Variants in GUCY2D observed in about 807,000 individuals in gnomAD.
GUCY2D encodes the protein guanylate cyclase 2D, retinal, also known as retinal guanylyl cyclase 1.
A neutral mutation model predicts 101.3 loss-of-function variants in GUCY2D; 70 were observed. The observed-to-expected ratio is 0.69, with a 90% CI of 0.57 to 0.84. The LOEUF is 0.84. Among genes scored for constraint, GUCY2D ranks in the 40% least tolerant of loss-of-function variants. The pLI is 0.00. For missense variants in GUCY2D, 1,460 were observed against 1,542.5 expected (o/e 0.95, Z 0.90); for synonymous variants, 688 against 670.7 (o/e 1.03, Z -0.40).
At position 8,003,585 on chromosome 17, in the gene GUCY2D, G is replaced by T. The variant is rs1335897916; in HGVS notation, c.538G>T (p.Gly180Cys). 10 of 1,584,866 alleles carry T rather than the reference G, an allele frequency of 6.3e-6. No individual in the cohort carries two copies. The highest frequency in any genetic ancestry group is 2.3e-5 in the East Asian group (1 of 44,260). ...CCTCTACGCCCTGCTTCGCGCATTC[G>T]GCTGGGCGCGCGTGGCCCTGGTCAC... Reference protein sequence around the residue: ...DALYALLRAFGWARVALVTAP... With the variant: ...DALYALLRAFCWARVALVTAP... The change falls in exon 2 of 20, where the codon GGC (glycine) becomes TGC (cysteine). Residue 180 changes from glycine (G) to cysteine (C), a missense_variant. This residue lies in a region of GUCY2D where 1,196 missense variants were observed against 1,229.6 expected (regional missense o/e 0.97). Transcript: ENST00000254854.
chr17:8,014,426 T>C lies in GUCY2D; in HGVS notation c.2413-175T>C, dbSNP rs1975920196. The stretch of plus-strand genomic sequence containing the variant: ...TCATTTCCCACGTGCCTCCTAATCG[T>C]GTCTGAAAACACAGTGCCCAGCACC... On this transcript the variant is annotated intron_variant, in intron 12 of 19. Transcript: ENST00000254854. The surrounding 1 kb of genome is among the most constrained non-coding windows in gnomAD (Gnocchi z 4.0). 1 of 693,212 alleles carries C rather than the reference T, an allele frequency of 1.4e-6. No individual in the cohort carries two copies. Among genetic ancestry groups the C allele is most frequent in the Non-Finnish European group, 2.6e-6 (1 of 383,060 alleles). The allele number at this position is 693,212 out of a possible 1,614,324, so 42.9% of individuals were successfully genotyped here.
intron 8 of GUCY2D, among the ~76,000 whole-genome samples, chr17:8,010,109 T>C (rs1975821192): frequency 6.6e-6 from 1 of 152,168 alleles, no homozygotes; most frequent in Admixed American, 6.5e-5. Context: ...TCTGCCTGCT[T>C]GTTTCTGCCT....
chr17:8,013,935 G>A lies in GUCY2D; in HGVS notation c.2319G>A (p.Met773Ile). The A allele has an allele frequency of 1.2e-6, 2 of 1,613,438 alleles. No individual in the cohort carries two copies. Among genetic ancestry groups the A allele is most frequent in the Non-Finnish European group, 1.7e-6 (2 of 1,179,408 alleles). Residue 773 changes from methionine (M) to isoleucine (I), a missense_variant, in exon 12 of 20, where the codon ATG becomes ATA. Physicochemically the swap from Met to Ile is conservative, Grantham distance 10 (BLOSUM62 1). Coordinates refer to ENST00000254854, the MANE Select transcript of GUCY2D (RefSeq NM_000180.4). The surrounding 1 kb of genome is among the most constrained non-coding windows in gnomAD (Gnocchi z 5.0). ...CACTGTGTCGGCCCTTGGTGTCCAT[G>A]GACCAGGCACCTGTCGAGTGTATCC... ...PPPLCRPLVS[M>I]DQAPVECILL...
chr17:8,013,782 C>A lies in GUCY2D; in HGVS notation c.2264-98C>A, dbSNP rs1975903700. ...GATGTAAAGAAACCCCTGCCAGGCACCCCCTCCCACATCTTGGTCTTCAAC... is the reference window on the plus strand; with the variant it reads ...GATGTAAAGAAACCCCTGCCAGGCAACCCCTCCCACATCTTGGTCTTCAAC... On this transcript the variant is annotated intron_variant, in intron 11 of 19. Transcript: ENST00000254854. The surrounding 1 kb of genome is among the most constrained non-coding windows in gnomAD (Gnocchi z 5.0). 2.1e-6 allele frequency: 2 copies of A among 958,758 alleles called. No individual in the cohort carries two copies. The highest frequency in any genetic ancestry group is 2.7e-5 in the South Asian group (2 of 73,272). 59.4% of individuals were successfully genotyped at this position (958,758 alleles called of 1,614,324 possible).
chr17:8,007,945 T>A lies in GUCY2D; in HGVS notation c.1581T>A (p.Ser527Arg). 6.2e-7 allele frequency: 1 copy of A among 1,611,668 alleles called. No homozygotes were observed. The highest frequency in any genetic ancestry group is 8.5e-7 in the Non-Finnish European group (1 of 1,178,198). ...GGTSRKVAQG[S>R]RSSLGARSMS... ...CTACCTGCTAGGTGGCCCAGGGGAG[T>A]CGATCAAGTCTGGGTGCCCGCAGCA... The change falls in exon 7 of 20, where the codon AGT becomes AGA. Residue 527 changes from serine to arginine, a missense_variant. Transcript: ENST00000254854.
rs1008098066 is a variant in GUCY2D, at chr17:8,011,987, A to G, written c.1750-157A>G. On this transcript the variant is annotated intron_variant, in intron 8 of 19. Transcript: ENST00000254854. This position sits in a 1 kb window ranked among gnomAD's most constrained non-coding sequence, Gnocchi z 4.3. Reference sequence around the variant, plus strand: ...TTTTTCCAAAAATAGGACTATGTGTAGAAGAGAGCCCCCGTACATACCTTA... The same window carrying G: ...TTTTTCCAAAAATAGGACTATGTGTGGAAGAGAGCCCCCGTACATACCTTA... 2.0e-5 allele frequency among the ~76,000 whole-genome samples: 3 copies of G among 152,224 alleles called. No individual in the cohort carries two copies. Among genetic ancestry groups the G allele is most frequent in the Non-Finnish European group, 2.9e-5 (2 of 68,032 alleles).
chr17:8,004,187 AAGGGAGAGGGGAGAGGACAGCCAAAGC>A, intron 3 of GUCY2D, 31 bp downstream of exon 3: 2 of 1,561,674 alleles, frequency 1.3e-6, no homozygotes, highest in Non-Finnish European at 1.7e-6. Flanking sequence ...GGAAGAAGGC[AAGGGAGAGGGGAGAGGACAGCCAAAGC>A]AGGGAGAGGA....
In GUCY2D at chr17:8,003,395, C is replaced by T. The variant is rs1598144036; in HGVS notation, c.348C>T (p.Ser116=). ...RTPGSLGAVS[S]ALARVSGLVG... Reference sequence around the variant, plus strand: ...CGGGCTCGCTGGGGGCCGTGTCCTCCGCGCTGGCCCGCGTGTCGGGCCTCG... The same window carrying T: ...CGGGCTCGCTGGGGGCCGTGTCCTCTGCGCTGGCCCGCGTGTCGGGCCTCG... The change falls in exon 2 of 20, where the codon TCC becomes TCT. Residue 116 remains serine, a synonymous_variant. Coordinates refer to ENST00000254854, the MANE Select transcript of GUCY2D (RefSeq NM_000180.4). 1 of 1,483,312 alleles carries T rather than the reference C, an allele frequency of 6.7e-7. No homozygotes were observed. Among genetic ancestry groups the T allele is most frequent in the South Asian group, 1.3e-5 (1 of 78,980 alleles). 91.9% of individuals were successfully genotyped at this position (1,483,312 alleles called of 1,614,324 possible).
Position 8,003,522 on chromosome 17 carries a change from G to A in GUCY2D, c.475G>A (p.Gly159Ser), listed in dbSNP as rs1975674812. The A allele has an allele frequency of 2.6e-6, 4 of 1,538,900 alleles. No homozygotes were observed. The highest frequency in any genetic ancestry group is 4.2e-4 in the Middle Eastern group (2 of 4,802). Residue 159 changes from glycine (G) to serine (S), a missense_variant, in exon 2 of 20, where the codon GGC (glycine) becomes AGC (serine). Gly to Ser is a moderately conservative substitution (Grantham distance 56, BLOSUM62 0). Coordinates refer to ENST00000254854, the MANE Select transcript of GUCY2D (RefSeq NM_000180.4). ...GGGCTGCCCCTGGACGCAGGCGGAG[G>A]GCACCACGGCCCCTGCCGTGACCCC... Reference protein sequence around the residue: ...PWGCPWTQAEGTTAPAVTPAA... With the variant: ...PWGCPWTQAESTTAPAVTPAA...
At chr17:8,015,250 C>A in intron 14 of GUCY2D, 78 bp from the exon 15 acceptor site, 2 of 1,394,150 alleles carry the variant, frequency 1.4e-6, no homozygotes, top group Non-Finnish European at 1.0e-6. Context: ...CAGGTGGGCC[C>A]GGTGACAAGA....
chr17:8,015,494 TG>T lies in GUCY2D; in HGVS notation c.2937del (p.His980ThrfsTer41). The T allele has an allele frequency of 1.2e-6, 2 of 1,611,414 alleles. No individual in the cohort carries two copies. The highest frequency in any genetic ancestry group is 1.7e-6 in the Non-Finnish European group (2 of 1,179,348). On this transcript the variant is annotated frameshift_variant, in exon 15 of 20. Coordinates refer to ENST00000254854, the MANE Select transcript of GUCY2D (RefSeq NM_000180.4). LOFTEE classifies it high-confidence loss of function. ...PEVPVRIRIG[L>X]HSGPCVAGVV... ...GTTCCCGTGCGCATCCGCATAGGCC[TG>T]CACTCGGGTAACTCCCGGGTCTTCC...
At position 8,014,574 on chromosome 17, in the gene GUCY2D, G is replaced by T; in HGVS notation, c.2413-27G>T. ...GGCATGGCAACCCAGGTCTTCAGCAGCTTTACCAGCTTCCTTCTACTGCTA... is the reference window on the plus strand; with the variant it reads ...GGCATGGCAACCCAGGTCTTCAGCATCTTTACCAGCTTCCTTCTACTGCTA... On this transcript the variant is annotated intron_variant, in intron 12 of 19. Coordinates refer to ENST00000254854, the MANE Select transcript of GUCY2D (RefSeq NM_000180.4). The surrounding 1 kb of genome is among the most constrained non-coding windows in gnomAD (Gnocchi z 4.0). The T allele has an allele frequency of 6.2e-7, 1 of 1,613,472 alleles. No individual in the cohort carries two copies. The highest frequency in any genetic ancestry group is 8.5e-7 in the Non-Finnish European group (1 of 1,179,582).
intron 10 of GUCY2D, 40 bp downstream of exon 10, chr17:8,012,646 C>A: frequency 1.3e-6 from 2 of 1,551,296 alleles, no homozygotes; most frequent in Non-Finnish European, 1.8e-6. Context: ...ACCGGGATCC[C>A]CATTATTTCA....
In GUCY2D at chr17:8,014,425, G is replaced by A. The variant is rs142207894; in HGVS notation, c.2413-176G>A. On this transcript the variant is annotated intron_variant, in intron 12 of 19. Transcript: ENST00000254854. The surrounding 1 kb of genome is among the most constrained non-coding windows in gnomAD (Gnocchi z 4.0). ...CTCATTTCCCACGTGCCTCCTAATCGTGTCTGAAAACACAGTGCCCAGCAC... is the reference window on the plus strand; with the variant it reads ...CTCATTTCCCACGTGCCTCCTAATCATGTCTGAAAACACAGTGCCCAGCAC... 5.3e-4 allele frequency: 366 copies of A among 690,552 alleles called. 2 individuals carry two copies. In the African/African-American group the frequency reaches 5.4e-3, roughly 10 times the overall value. The allele number at this position is 690,552 out of a possible 1,614,324, so 42.8% of individuals were successfully genotyped here.
Position 8,004,084 on chromosome 17 carries a change from A to G in GUCY2D, c.954A>G (p.Glu318=), listed in dbSNP as rs757835419. The G allele has an allele frequency of 1.2e-6, 2 of 1,604,570 alleles. No individual in the cohort carries two copies. The highest frequency in any genetic ancestry group is 8.5e-7 in the Non-Finnish European group (1 of 1,179,818). ...CCCTCACGCGCCACTGTCCCTCTGA[A>G]GGCAGCGTGCTGGACAGCCTGCGCA... The part of the protein sequence containing the change: ...VLTLTRHCPS[E]GSVLDSLRRA... The change falls in exon 3 of 20, where the codon GAA becomes GAG. Residue 318 remains glutamate (E), a synonymous_variant. Transcript: ENST00000254854.
At chr17:8,008,555 A>G (rs536803598) in intron 7 of GUCY2D, among the ~76,000 whole-genome samples, 6 of 152,290 alleles carry the variant, frequency 3.9e-5, no homozygotes, top group Non-Finnish European at 5.9e-5. Context: ...ATTGAGAGAG[A>G]GCTGAGAGTG....
Position 8,014,150 on chromosome 17 carries a change from T to C in GUCY2D, c.2412+122T>C. 1.1e-6 allele frequency: 1 copy of C among 906,194 alleles called. No homozygotes were observed. The highest frequency in any genetic ancestry group is 1.8e-6 in the Non-Finnish European group (1 of 556,020). The allele number at this position is 906,194 out of a possible 1,614,324, so 56.1% of individuals were successfully genotyped here. A position where few individuals can be genotyped will look rare whatever the true frequency, so the allele number is the denominator to read the frequency against. ...ACCTCTGGCCTTCCAGGCTACCTCC[T>C]AAGGAGTAGCCTGAAGACTCGGAGT... On this transcript the variant is annotated intron_variant, in intron 12 of 19. Transcript: ENST00000254854. The surrounding 1 kb of genome is among the most constrained non-coding windows in gnomAD (Gnocchi z 4.0).
Position 8,013,240 on chromosome 17 carries a change from C to T in GUCY2D, c.2251C>T (p.Leu751Phe), listed in dbSNP as rs1315548077. The stretch of plus-strand genomic sequence containing the variant: ...CAGTGCCCCTTATGCCATGCTGGAG[C>T]TCACTCCCGAGGGTAAGGCTGCCCT... ...CRSAPYAMLE[L>F]TPEEVVQRVR... Residue 751 changes from leucine to phenylalanine, a missense_variant, in exon 11 of 20, where the codon CTC (leucine) becomes TTC (phenylalanine). This residue lies in a region of GUCY2D where 1,196 missense variants were observed against 1,229.6 expected (regional missense o/e 0.97). Transcript: ENST00000254854. This position sits in a 1 kb window ranked among gnomAD's most constrained non-coding sequence, Gnocchi z 5.0. The T allele has an allele frequency of 6.2e-7, 1 of 1,613,990 alleles. No homozygotes were observed. Among genetic ancestry groups the T allele is most frequent in the Non-Finnish European group, 8.5e-7 (1 of 1,179,996 alleles).
chr17:8,011,982 T>C lies in GUCY2D; in HGVS notation c.1750-162T>C, dbSNP rs1975858998. ...ATTGTTTTTTCCAAAAATAGGACTA[T>C]GTGTAGAAGAGAGCCCCCGTACATA... On this transcript the variant is annotated intron_variant, in intron 8 of 19. Transcript: ENST00000254854. The surrounding 1 kb of genome is among the most constrained non-coding windows in gnomAD (Gnocchi z 4.3). 6.6e-6 allele frequency among the ~76,000 whole-genome samples: 1 copy of C among 152,180 alleles called. No individual in the cohort carries two copies. Among genetic ancestry groups the C allele is most frequent in the Non-Finnish European group, 1.5e-5 (1 of 68,034 alleles).
Sources: gnomAD v4.1 joint callset for allele counts (sites outside exome capture counted in the v4.1 genomes callset) on GRCh38, gnomAD v4.1.1 for gene constraint, gnomAD v4.1.1 regional missense constraint, Gnocchi (gnomAD v3.1) non-coding constraint, MANE v1.5 for transcripts, NCBI Gene and HGNC (gene_info 2026-07-23, HGNC 2026-07-21) for gene names.